TXNDC9: variants seen among roughly 807,000 people sequenced by gnomAD.
TXNDC9 encodes the protein thioredoxin domain containing 9.
TXNDC9 carries 7 observed loss-of-function variants against 23.0 expected under a neutral mutation model. The ratio of observed to expected loss-of-function variants is 0.30; its 90% CI spans 0.17 to 0.57. TXNDC9 has a LOEUF of 0.57. TXNDC9 is among the 20% of genes least tolerant of loss of function. TXNDC9 has a pLI of 0.90. For synonymous variants in TXNDC9, 72 were observed against 90.6 expected (o/e 0.79, Z 1.17); for missense variants, 198 against 252.6 (o/e 0.78, Z 1.47).
At chr2:99,324,895 G>A (rs1392880288) in intron 3 of TXNDC9, among the ~76,000 whole-genome samples, 1 of 152,220 alleles carries the variant, frequency 6.6e-6, no homozygotes, top group Non-Finnish European at 1.5e-5. Flanking sequence ...ACAGGCACGA[G>A]CCACCATGCC....
At chr2:99,332,223 ACTTGAGGT>A (rs1208291987) in intron 2 of TXNDC9, among the ~76,000 whole-genome samples, 2 of 152,186 alleles carry the variant, frequency 1.3e-5, no homozygotes, top group African/African-American at 4.8e-5. Context: ...TGGGCGGATC[ACTTGAGGT>A]CAGAAGTTCA....
At chr2:99,313,215 A>C in the TXNDC9 span, among the ~76,000 whole-genome samples, 1 of 152,062 alleles carries the variant, frequency 6.6e-6, no homozygotes, top group South Asian at 2.1e-4. Flanking sequence ...AAAACTGCCA[A>C]CCAAGTCTTT....
chr2:99,321,829 G>T, intron 4 of TXNDC9, 126 bp downstream of exon 4: 2 of 1,102,916 alleles, frequency 1.8e-6, no homozygotes, highest in Non-Finnish European at 2.5e-6. Flanking sequence ...TTTCCTTTGA[G>T]AAACTTTCCA....
the TXNDC9 span, among the ~76,000 whole-genome samples, chr2:99,310,729 T>G: frequency 6.6e-6 from 1 of 151,966 alleles, no homozygotes; most frequent in Non-Finnish European, 1.5e-5. Flanking sequence ...CCTTTGAAGA[T>G]AGAGGGAAGG....
chr2:99,328,262 ATTT>A (rs59604079), intron 2 of TXNDC9, among the ~76,000 whole-genome samples: 82 of 138,066 alleles, frequency 5.9e-4, no homozygotes, highest in East Asian at 3.3e-3. Flanking sequence ...CACGCCTGGC[ATTT>A]TTTTTTTTTT....
At chr2:99,336,148 C>A (rs191072170) in intron 1 of TXNDC9, 91 bp downstream of exon 1, 217 of 965,644 alleles carry the variant, frequency 2.2e-4, no homozygotes, top group Middle Eastern at 1.6e-3. Flanking sequence ...GCTGGGGCCG[C>A]GCCCCTCCTC....
At chr2:99,316,882 C>G (rs887848632), downstream of TXNDC9, among the ~76,000 whole-genome samples, 3 of 152,198 alleles carry the variant, frequency 2.0e-5, no homozygotes, top group South Asian at 2.1e-4. Flanking sequence ...TCAGCCTCCC[C>G]AGTAGGTGGG....
rs890857832 is a variant in TXNDC9, at chr2:99,336,274, A to T, written c.-68T>A. The T allele has an allele frequency of 1.0e-6, 1 of 985,346 alleles. No homozygotes were observed. The highest frequency in any genetic ancestry group is 1.7e-5 in the African/African-American group (1 of 57,232). The allele number at this position is 985,346 out of a possible 1,614,324, so 61.0% of individuals were successfully genotyped here. On this transcript the variant is annotated 5_prime_UTR_variant, in exon 1 of 5. Transcript: ENST00000264255. ...GGTGACGCCTGAGAAGTGAAAGAGC[A>T]GCAGTTTCAAAAGACACGTCCACTC...
chr2:99,319,470 C>A lies in TXNDC9; in HGVS notation c.*212G>T. 2 of 437,870 alleles carry A rather than the reference C, an allele frequency of 4.6e-6. No individual in the cohort carries two copies. The highest frequency in any genetic ancestry group is 4.3e-5 in the Admixed American group (1 of 23,388). The allele number at this position is 437,870 out of a possible 1,614,324, so 27.1% of individuals were successfully genotyped here. A position where few individuals can be genotyped will look rare whatever the true frequency, so the allele number is the denominator to read the frequency against. ...ATCTCAAAAATAGAGAATCCAGACC[C>A]TTCCCAGATAATTTAAGAACTGAGT... is the stretch of plus-strand genomic sequence containing the variant. On this transcript the variant is annotated 3_prime_UTR_variant, in exon 5 of 5. Coordinates refer to ENST00000264255, the MANE Select transcript of TXNDC9 (RefSeq NM_005783.4).
chr2:99,333,412 T>C (rs1204774996), intron 1 of TXNDC9, among the ~76,000 whole-genome samples, 170 bp from the exon 2 acceptor site: 1 of 152,222 alleles, frequency 6.6e-6, no homozygotes, highest in Non-Finnish European at 1.5e-5. Flanking sequence ...TTTTTAAATT[T>C]AATTCTCAGT....
chr2:99,320,851 A>G (rs1344705291), intron 4 of TXNDC9, among the ~76,000 whole-genome samples: 1 of 152,184 alleles, frequency 6.6e-6, no homozygotes, highest in Admixed American at 6.6e-5. Flanking sequence ...ATTGGGTAAT[A>G]TGGGCAAAGG....
At chr2:99,329,331 A>C (rs58086269) in intron 2 of TXNDC9, among the ~76,000 whole-genome samples, 66,454 of 152,046 alleles carry the variant, frequency 0.44, 14,796 homozygotes, top group Admixed American at 0.57. Flanking sequence ...AGATTTCTAG[A>C]GTTCCTACTC....
intron 3 of TXNDC9, among the ~76,000 whole-genome samples, chr2:99,326,901 C>T (rs1050163437): frequency 1.3e-5 from 2 of 152,128 alleles, no homozygotes; most frequent in African/African-American, 2.4e-5. Context: ...TAATTACTGT[C>T]ATGGTGATAA....
intron 3 of TXNDC9, among the ~76,000 whole-genome samples, chr2:99,323,414 A>C (rs1466395488): frequency 6.6e-6 from 1 of 151,884 alleles, no homozygotes; most frequent in Non-Finnish European, 1.5e-5. Context: ...CTCAACAAAC[A>C]AAAAAAGTGA....
chr2:99,324,841 G>T (rs1017687778), intron 3 of TXNDC9, among the ~76,000 whole-genome samples: 4 of 152,332 alleles, frequency 2.6e-5, no homozygotes, highest in Admixed American at 2.6e-4. Flanking sequence ...CGCCTCCCAG[G>T]TTCAAGCAAT....
Position 99,336,286 on chromosome 2 carries a change from AGACACGTCCACTCC to A in TXNDC9, c.-94_-81del, listed in dbSNP as rs1559238429. 7.1e-6 allele frequency: 7 copies of A among 985,314 alleles called. No individual in the cohort carries two copies. The highest frequency in any genetic ancestry group is 5.2e-4 in the Middle Eastern group (1 of 1,936). The allele number at this position is 985,314 out of a possible 1,614,324, so 61.0% of individuals were successfully genotyped here. ...GAAGTGAAAGAGCAGCAGTTTCAAA[AGACACGTCCACTCC>A]GGCTTTTGCCTTGCAGTAGCTGCCG... On this transcript the variant is annotated 5_prime_UTR_variant, in exon 1 of 5. Coordinates refer to ENST00000264255, the MANE Select transcript of TXNDC9 (RefSeq NM_005783.4).
downstream of TXNDC9, among the ~76,000 whole-genome samples, chr2:99,315,840 C>T (rs1232002959): frequency 6.6e-6 from 1 of 152,126 alleles, no homozygotes; most frequent in Non-Finnish European, 1.5e-5. Flanking sequence ...TTTCGCTTAT[C>T]TTTATGCCTG....
the TXNDC9 span, among the ~76,000 whole-genome samples, chr2:99,311,708 CCT>C: frequency 6.6e-6 from 1 of 152,242 alleles, no homozygotes; most frequent in African/African-American, 2.4e-5. Flanking sequence ...CTCAAGCCAT[CCT>C]CTGTCCTTGA....
At chr2:99,310,426 G>A in the TXNDC9 span, among the ~76,000 whole-genome samples, 4 of 151,986 alleles carry the variant, frequency 2.6e-5, no homozygotes, top group Non-Finnish European at 5.9e-5. Flanking sequence ...CCTTGGCCTC[G>A]CAAAGTGCTG....
Sources: gnomAD v4.1 joint callset for allele counts (sites outside exome capture counted in the v4.1 genomes callset) on GRCh38, gnomAD v4.1.1 for gene constraint, MANE v1.5 for transcripts, NCBI Gene and HGNC (gene_info 2026-07-23, HGNC 2026-07-21) for gene names.